ME3: variants seen among roughly 807,000 people sequenced by gnomAD.
ME3 encodes the protein NADP-dependent malic enzyme, mitochondrial.
ME3 carries 48 observed loss-of-function variants against 68.9 expected under a neutral mutation model. The ratio of observed to expected loss-of-function variants is 0.70; its 90% CI spans 0.55 to 0.89. The LOEUF is 0.89. Among genes scored for constraint, ME3 ranks in the 40% least tolerant of loss-of-function variants. The pLI is 0.00. For synonymous variants in ME3, 320 were observed against 318.8 expected, an observed-to-expected ratio of 1.00 and a Z score of -0.04; for missense variants, 675 against 797.4, an observed-to-expected ratio of 0.85 and a Z score of 1.85.
intron 2 of ME3, among the ~76,000 whole-genome samples, chr11:86,598,157 C>G (rs578075461): frequency 6.6e-6 from 1 of 152,164 alleles, no homozygotes; most frequent in African/African-American, 2.4e-5. Flanking sequence ...GTGCCTCACT[C>G]GGGAAGTGCA....
chr11:86,475,948 G>T (rs892066544), intron 7 of ME3, among the ~76,000 whole-genome samples: 1 of 151,584 alleles, frequency 6.6e-6, no homozygotes. Flanking sequence ...TGCTGAGAGG[G>T]ACTCAGAATG....
At chr11:86,637,349 CAA>C (rs11402713) in intron 2 of ME3, among the ~76,000 whole-genome samples, 14,580 of 121,998 alleles carry the variant, frequency 0.12, 742 homozygotes, top group African/African-American at 0.15. Flanking sequence ...ACAAGAAGCA[CAA>C]AAAAAAAAAA....
chr11:86,498,938 A>T (rs1422873990), intron 5 of ME3, among the ~76,000 whole-genome samples: 1 of 152,218 alleles, frequency 6.6e-6, no homozygotes, highest in African/African-American at 2.4e-5. Context: ...GCAAATATGC[A>T]TGGACACAGC....
chr11:86,643,318 CCATGACTTTCCCTCCTGCCCCAT>C (rs946362704), intron 2 of ME3, among the ~76,000 whole-genome samples: 9 of 151,798 alleles, frequency 5.9e-5, no homozygotes, highest in African/African-American at 2.2e-4. Flanking sequence ...TGCCCCCTAC[CCATGACTTTCCCTCCTGCCCCAT>C]CCTTCCACAC....
intron 2 of ME3, among the ~76,000 whole-genome samples, chr11:86,634,336 G>A (rs1332172092): frequency 6.6e-6 from 1 of 152,166 alleles, no homozygotes; most frequent in Non-Finnish European, 1.5e-5. Context: ...TCCTTAGACT[G>A]CTATGATGTT....
intron 2 of ME3, among the ~76,000 whole-genome samples, chr11:86,604,311 G>T (rs1460708551): frequency 6.6e-6 from 1 of 151,976 alleles, no homozygotes; most frequent in Non-Finnish European, 1.5e-5. Context: ...TTCCTGTCGG[G>T]TCATGAACCA....
intron 6 of ME3, among the ~76,000 whole-genome samples, chr11:86,497,367 C>G (rs1331076604): frequency 6.6e-6 from 1 of 152,182 alleles, no homozygotes; most frequent in African/African-American, 2.4e-5. Flanking sequence ...GACACAGAGA[C>G]AGAGCTGCGA....
chr11:86,654,485 G>A (rs1194790533), intron 2 of ME3, among the ~76,000 whole-genome samples: 8 of 152,136 alleles, frequency 5.3e-5, no homozygotes, highest in Admixed American at 6.5e-5. Flanking sequence ...AACAGAACCA[G>A]TGACAAAAAC....
At chr11:86,503,866 G>A (rs1008069422) in intron 5 of ME3, among the ~76,000 whole-genome samples, 2 of 152,224 alleles carry the variant, frequency 1.3e-5, no homozygotes, top group African/African-American at 2.4e-5. Flanking sequence ...AACTGTTAGG[G>A]AGGAGGCTAT....
At chr11:86,474,362 C>T (rs184337938) in intron 7 of ME3, among the ~76,000 whole-genome samples, 16 of 152,344 alleles carry the variant, frequency 1.1e-4, no homozygotes, top group Non-Finnish European at 1.9e-4. Flanking sequence ...CTTGGCTTTC[C>T]TCCTGATTTT....
intron 5 of ME3, among the ~76,000 whole-genome samples, chr11:86,501,640 T>C (rs1004650794): frequency 1.3e-5 from 2 of 152,138 alleles, no homozygotes; most frequent in African/African-American, 4.8e-5. Flanking sequence ...ACCAAATGAA[T>C]CCTCTTTTCC....
chr11:86,453,151 A>C (rs1216540286), intron 8 of ME3, among the ~76,000 whole-genome samples: 1 of 152,098 alleles, frequency 6.6e-6, no homozygotes, highest in Admixed American at 6.6e-5. Context: ...GGCACCCACC[A>C]CCATGCCCAG....
At chr11:86,473,849 G>A (rs932021353) in intron 7 of ME3, among the ~76,000 whole-genome samples, 14 of 152,194 alleles carry the variant, frequency 9.2e-5, no homozygotes, top group African/African-American at 3.4e-4. Context: ...GTGTAATTGG[G>A]CATAATGATT....
intron 2 of ME3, among the ~76,000 whole-genome samples, chr11:86,653,947 A>T (rs1945665687): frequency 6.6e-6 from 1 of 152,236 alleles, no homozygotes; most frequent in Non-Finnish European, 1.5e-5. Context: ...ACAAACTGCC[A>T]TCAGAGAATA....
At chr11:86,482,949 G>A (rs1039389064) in intron 7 of ME3, among the ~76,000 whole-genome samples, 1 of 152,190 alleles carries the variant, frequency 6.6e-6, no homozygotes, top group African/African-American at 2.4e-5. Context: ...AAAATGTTAA[G>A]CCAGTAAGAT....
intron 4 of ME3, among the ~76,000 whole-genome samples, chr11:86,551,379 ATATAG>A (rs747241207): frequency 1.3e-5 from 2 of 152,034 alleles, no homozygotes; most frequent in South Asian, 2.1e-4. Context: ...GTCCAACATG[ATATAG>A]TATGTTTCCC....
chr11:86,521,431 A>AAATAATAATAATAAT (rs1555221578), intron 4 of ME3, among the ~76,000 whole-genome samples: 2 of 145,996 alleles, frequency 1.4e-5, no homozygotes, highest in African/African-American at 5.1e-5. Context: ...AACAAAACAA[A>AAATAATAATAATAAT]AATAATAATA....
chr11:86,641,036 TGG>T (rs34557683), intron 2 of ME3, among the ~76,000 whole-genome samples: 55,147 of 140,158 alleles, frequency 0.39, 11,116 homozygotes, highest in Non-Finnish European at 0.47. Flanking sequence ...TCAATTTCAC[TGG>T]GGGGGGGGGT....
intron 5 of ME3, 55 bp downstream of exon 5, chr11:86,508,737 A>G: frequency 6.7e-7 from 1 of 1,484,482 alleles, no homozygotes; most frequent in East Asian, 2.3e-5. Flanking sequence ...ACTCTGGTTT[A>G]GGCTGAAATG....
Sources: allele counts gnomAD v4.1 joint callset (sites outside exome capture counted in the v4.1 genomes callset), GRCh38; gene constraint gnomAD v4.1.1; transcripts MANE v1.5; gene names NCBI Gene and HGNC (gene_info 2026-07-23, HGNC 2026-07-21).